The following CTNND2 variants were observed in gnomAD, a reference collection of about 807,000 sequenced individuals.
CTNND2 encodes the protein catenin delta 2.
CTNND2 carries 22 observed loss-of-function variants against 144.4 expected under a neutral mutation model. That is an observed-to-expected ratio of 0.15 (90% CI 0.11 to 0.22). The LOEUF is 0.22. Ranked by LOEUF, CTNND2 falls within the 10% of genes least tolerant of loss-of-function variation. CTNND2 has a pLI of 1.00. For missense variants in CTNND2, 1,353 were observed against 1,618.8 expected, an observed-to-expected ratio of 0.84 and a Z score of 2.82; for synonymous variants, 751 against 695.6, an observed-to-expected ratio of 1.08 and a Z score of -1.25.
chr5:11,805,362 T>C (rs963343535), intron 1 of CTNND2, among the ~76,000 whole-genome samples: 2 of 152,092 alleles, frequency 1.3e-5, no homozygotes, highest in African/African-American at 4.8e-5. Context: ...ACAAGGACAC[T>C]CCACTAGCAA....
At chr5:11,498,657 C>T (rs959083469) in intron 3 of CTNND2, among the ~76,000 whole-genome samples, 4 of 152,174 alleles carry the variant, frequency 2.6e-5, no homozygotes, top group Non-Finnish European at 4.4e-5. Flanking sequence ...TCCATACAGC[C>T]AATAAAATGC....
intron 1 of CTNND2, among the ~76,000 whole-genome samples, chr5:11,759,130 G>C (rs1376498790): frequency 6.6e-6 from 1 of 152,000 alleles, no homozygotes; most frequent in Non-Finnish European, 1.5e-5. Context: ...ATTTTAGCAT[G>C]ATTGGTCTTT....
chr5:11,081,080 A>T (rs977892651), intron 16 of CTNND2, among the ~76,000 whole-genome samples: 200 of 143,962 alleles, frequency 1.4e-3, no homozygotes, highest in Middle Eastern at 7.0e-3. Flanking sequence ...TGTCACACAC[A>T]CACACACACA....
chr5:11,565,133 C>A, intron 2 of CTNND2, 77 bp from the exon 3 acceptor site: 1 of 897,958 alleles, frequency 1.1e-6, no homozygotes, highest in Non-Finnish European at 1.8e-6. Flanking sequence ...AATAGGACGG[C>A]TGAGGGAGAA....
chr5:11,186,648 T>C (rs1237962493), intron 11 of CTNND2, among the ~76,000 whole-genome samples: 3 of 152,320 alleles, frequency 2.0e-5, no homozygotes, highest in Admixed American at 1.3e-4. Context: ...CCTGTTAAAG[T>C]AGAAAGTGGT....
chr5:11,336,298 C>T (rs1430791961), intron 9 of CTNND2, among the ~76,000 whole-genome samples: 1 of 152,192 alleles, frequency 6.6e-6, no homozygotes, highest in African/African-American at 2.4e-5. Context: ...TGGCCAAGGT[C>T]TCTGAAAGGC....
intron 16 of CTNND2, among the ~76,000 whole-genome samples, chr5:11,036,299 T>C (rs556798911): frequency 1.1e-3 from 161 of 152,308 alleles, no homozygotes; most frequent in Middle Eastern, 3.4e-3. Flanking sequence ...ATATTATCAT[T>C]CTGAGCCAAG....
At chr5:11,888,576 T>G (rs1736729295) in intron 1 of CTNND2, among the ~76,000 whole-genome samples, 1 of 152,152 alleles carries the variant, frequency 6.6e-6, no homozygotes, top group South Asian at 2.1e-4. Flanking sequence ...TACATGTTAT[T>G]TTTCACTTAT....
intron 1 of CTNND2, among the ~76,000 whole-genome samples, chr5:11,854,496 T>A (rs560137389): frequency 2.0e-5 from 3 of 152,242 alleles, no homozygotes; most frequent in Non-Finnish European, 1.5e-5. Flanking sequence ...ATTAATAGTA[T>A]GTTTGAACTA....
chr5:11,069,238 CATTCCTTAA>C (rs1211387259), intron 16 of CTNND2, among the ~76,000 whole-genome samples: 1 of 152,188 alleles, frequency 6.6e-6, no homozygotes, highest in Non-Finnish European at 1.5e-5. Flanking sequence ...TTGTACACAG[CATTCCTTAA>C]ATTCCTTAAG....
chr5:11,356,231 T>C (rs1167436624), intron 8 of CTNND2, among the ~76,000 whole-genome samples: 4 of 151,910 alleles, frequency 2.6e-5, no homozygotes, highest in Non-Finnish European at 5.9e-5. Flanking sequence ...AAAAAGGCCC[T>C]TAAGAGCCAA....
At chr5:11,655,681 T>C (rs1036964986) in intron 2 of CTNND2, among the ~76,000 whole-genome samples, 3 of 148,644 alleles carry the variant, frequency 2.0e-5, no homozygotes, top group African/African-American at 7.4e-5. Flanking sequence ...CAAAAAGCTT[T>C]GCTTATATTG....
chr5:11,829,041 A>T (rs941292470), intron 1 of CTNND2, among the ~76,000 whole-genome samples: 3 of 152,120 alleles, frequency 2.0e-5, no homozygotes, highest in Non-Finnish European at 4.4e-5. Flanking sequence ...CCTGCCCTAG[A>T]GATTTGTGGA....
intron 8 of CTNND2, among the ~76,000 whole-genome samples, chr5:11,354,817 A>G (rs1755694133): frequency 6.6e-6 from 1 of 152,156 alleles, no homozygotes; most frequent in African/African-American, 2.4e-5. Flanking sequence ...TAAACTGCAC[A>G]TGAAACATTC....
chr5:11,231,800 C>T (rs1303591989), intron 10 of CTNND2, among the ~76,000 whole-genome samples: 3 of 152,184 alleles, frequency 2.0e-5, no homozygotes, highest in Non-Finnish European at 2.9e-5. Context: ...AAAAATGTCT[C>T]CAGGGCATGT....
chr5:11,619,162 C>T (rs1780717403), intron 2 of CTNND2, among the ~76,000 whole-genome samples: 1 of 152,170 alleles, frequency 6.6e-6, no homozygotes, highest in South Asian at 2.1e-4. Flanking sequence ...AACCCTAGCA[C>T]TTTGGGAGGC....
intron 2 of CTNND2, among the ~76,000 whole-genome samples, chr5:11,674,334 A>C (rs1200063485): frequency 1.3e-5 from 2 of 152,182 alleles, no homozygotes; most frequent in East Asian, 1.9e-4. Flanking sequence ...TTTTTTTCAC[A>C]TATGCATATA....
intron 18 of CTNND2, among the ~76,000 whole-genome samples, chr5:11,014,968 T>C (rs563696928): frequency 3.9e-5 from 6 of 152,232 alleles, no homozygotes; most frequent in Non-Finnish European, 8.8e-5. Flanking sequence ...GCTTTAAAAT[T>C]TGTAGTATGT....
intron 3 of CTNND2, among the ~76,000 whole-genome samples, chr5:11,550,622 C>T (rs1775669239): frequency 1.3e-5 from 2 of 152,194 alleles, no homozygotes; most frequent in Non-Finnish European, 2.9e-5. Context: ...ACTAAACAAA[C>T]AGATGTGTGA....
Sources: gnomAD v4.1 joint callset for allele counts (sites outside exome capture counted in the v4.1 genomes callset) on GRCh38, gnomAD v4.1.1 for gene constraint, MANE v1.5 for transcripts, NCBI Gene and HGNC (gene_info 2026-07-23, HGNC 2026-07-21) for gene names.